Variants in PTK2 observed in about 807,000 individuals in gnomAD.
PTK2 encodes the protein protein tyrosine kinase 2.
Under a neutral mutation model 150.1 loss-of-function variants are expected in PTK2, and 45 were observed. That is an observed-to-expected ratio of 0.30 (90% CI 0.24 to 0.38). The LOEUF (loss-of-function observed/expected upper bound fraction) is 0.38. Among genes scored for constraint, PTK2 ranks in the 10% least tolerant of loss-of-function variants. The pLI, the probability that PTK2 is intolerant of heterozygous loss-of-function variation, is 1.00. For synonymous variants in PTK2, 432 were observed against 449.2 expected, an observed-to-expected ratio of 0.96 and a Z score of 0.48; for missense variants, 919 against 1,307.3, an observed-to-expected ratio of 0.70 and a Z score of 4.58.
intron 10 of PTK2, among the ~76,000 whole-genome samples, chr8:140,805,912 G>A (rs1296896220): frequency 2.0e-5 from 3 of 152,156 alleles, no homozygotes; most frequent in Non-Finnish European, 4.4e-5. Context: ...TGATTTCTAT[G>A]AGCAAACTGT....
At chr8:140,969,076 C>T (rs1675584026) in intron 1 of PTK2, among the ~76,000 whole-genome samples, 1 of 152,180 alleles carries the variant, frequency 6.6e-6, no homozygotes, top group Admixed American at 6.5e-5. Flanking sequence ...AAAGCCTGAA[C>T]AGAGTAACTG....
chr8:140,893,525 A>T (rs993844880), intron 2 of PTK2, among the ~76,000 whole-genome samples: 1 of 152,222 alleles, frequency 6.6e-6, no homozygotes, highest in African/African-American at 2.4e-5. Flanking sequence ...TTATACTACA[A>T]GGAAACCAGA....
intron 1 of PTK2, among the ~76,000 whole-genome samples, chr8:140,967,864 C>T (rs1213260935): frequency 6.6e-6 from 1 of 152,196 alleles, no homozygotes; most frequent in African/African-American, 2.4e-5. Context: ...TTCTTCTAAA[C>T]TCAGTCTATC....
At chr8:140,874,477 G>T (rs952620270) in intron 4 of PTK2, among the ~76,000 whole-genome samples, 1 of 152,132 alleles carries the variant, frequency 6.6e-6, no homozygotes, top group Non-Finnish European at 1.5e-5. Context: ...GAACTTAGAT[G>T]TCTGCAGGTG....
chr8:140,660,808 C>G (rs9324530), intron 31 of PTK2, among the ~76,000 whole-genome samples: 5,738 of 152,110 alleles, frequency 0.038, 359 homozygotes, highest in African/African-American at 0.13. Flanking sequence ...CTACAGGGTT[C>G]GAATGCTTTG....
intron 1 of PTK2, among the ~76,000 whole-genome samples, chr8:140,973,989 A>G (rs2100188365): frequency 6.6e-6 from 1 of 152,102 alleles, no homozygotes; most frequent in Non-Finnish European, 1.5e-5. Context: ...AGATTGCCCC[A>G]TTTTCACTCT....
chr8:140,666,477 C>T (rs1296620693), intron 30 of PTK2, among the ~76,000 whole-genome samples: 1 of 151,702 alleles, frequency 6.6e-6, no homozygotes, highest in Non-Finnish European at 1.5e-5. Context: ...AAAAGATACA[C>T]AAACGCTCAA....
At chr8:140,996,930 T>C (rs1440900620) in intron 1 of PTK2, among the ~76,000 whole-genome samples, 2 of 152,220 alleles carry the variant, frequency 1.3e-5, no homozygotes, top group South Asian at 4.1e-4. Context: ...ATAGCTGCCA[T>C]AGATAGTGAT....
chr8:140,952,013 C>T (rs556361238), intron 1 of PTK2, among the ~76,000 whole-genome samples: 9 of 151,980 alleles, frequency 5.9e-5, no homozygotes, highest in African/African-American at 1.2e-4. Context: ...CAGCACATTA[C>T]ACTAAGAATG....
At chr8:140,871,080 A>G (rs973067094) in intron 4 of PTK2, among the ~76,000 whole-genome samples, 10 of 152,256 alleles carry the variant, frequency 6.6e-5, no homozygotes, top group Admixed American at 1.3e-4. Flanking sequence ...GATTAAAATT[A>G]AAAACAACAA....
intron 29 of PTK2, among the ~76,000 whole-genome samples, chr8:140,670,455 T>A (rs1589189414): frequency 3.0e-5 from 1 of 33,162 alleles, no homozygotes; most frequent in Admixed American, 6.2e-4. Context: ...ACACTGTGTC[T>A]CAAAAAAAAA....
intron 26 of PTK2, among the ~76,000 whole-genome samples, chr8:140,696,590 G>C (rs1486297596): frequency 1.3e-5 from 2 of 152,064 alleles, no homozygotes; most frequent in Non-Finnish European, 2.9e-5. Flanking sequence ...CTGGTGTAGG[G>C]AATGTGTCGT....
intron 17 of PTK2, among the ~76,000 whole-genome samples, chr8:140,747,427 G>GGCTGAA: frequency 1.2e-5 from 1 of 86,514 alleles, no homozygotes. Context: ...AGGAAGGGGA[G>GGCTGAA]GAGGAGGAGA....
At chr8:140,905,753 G>C (rs567549277) in intron 2 of PTK2, among the ~76,000 whole-genome samples, 1 of 152,138 alleles carries the variant, frequency 6.6e-6, no homozygotes, top group Admixed American at 6.5e-5. Flanking sequence ...TTATTCTAAA[G>C]TTGACAACAT....
At chr8:140,806,857 T>C (rs899547405) in intron 10 of PTK2, among the ~76,000 whole-genome samples, 1 of 152,226 alleles carries the variant, frequency 6.6e-6, no homozygotes, top group African/African-American at 2.4e-5. Context: ...ACATCTGTTA[T>C]AAAGAGAACA....
At chr8:140,982,064 TAA>T (rs142919207) in intron 1 of PTK2, among the ~76,000 whole-genome samples, 49,146 of 112,138 alleles carry the variant, frequency 0.44, 9,062 homozygotes, top group East Asian at 0.59. Flanking sequence ...ACCAACTCAA[TAA>T]AAAAAAAAAA....
intron 23 of PTK2, among the ~76,000 whole-genome samples, chr8:140,717,211 T>G (rs13280245): frequency 0.42 from 63,701 of 152,108 alleles, 14,968 homozygotes; most frequent in Non-Finnish European, 0.54. Flanking sequence ...AGAGACAGAC[T>G]CATTTTTAAA....
intron 5 of PTK2, among the ~76,000 whole-genome samples, chr8:140,856,451 T>C (rs1333045051): frequency 6.6e-6 from 1 of 152,134 alleles, no homozygotes; most frequent in Non-Finnish European, 1.5e-5. Flanking sequence ...TACGATATAT[T>C]TATATAACAG....
intron 1 of PTK2, among the ~76,000 whole-genome samples, chr8:140,967,690 C>T (rs1260835707): frequency 6.6e-6 from 1 of 152,064 alleles, no homozygotes; most frequent in African/African-American, 2.4e-5. Flanking sequence ...CAACTCCTGA[C>T]CTCGTGATCT....
Sources: allele counts gnomAD v4.1 joint callset (sites outside exome capture counted in the v4.1 genomes callset), GRCh38; gene constraint gnomAD v4.1.1; transcripts MANE v1.5; gene names NCBI Gene and HGNC (gene_info 2026-07-23, HGNC 2026-07-21).